SLC9A2: variants seen among roughly 807,000 people sequenced by gnomAD.
SLC9A2 encodes the protein solute carrier family 9 member A2.
Under a neutral mutation model 71.7 loss-of-function variants are expected in SLC9A2, and 42 were observed. The observed-to-expected ratio is 0.59, with a 90% confidence interval of 0.46 to 0.76. The LOEUF (loss-of-function observed/expected upper bound fraction) is 0.76. Among genes scored for constraint, SLC9A2 ranks in the 30% least tolerant of loss-of-function variants. SLC9A2 has a pLI of 0.00. For synonymous variants in SLC9A2, 396 were observed against 392.5 expected (o/e 1.01, Z -0.10); for missense variants, 829 against 1,017.4 (o/e 0.81, Z 2.52).
intron 8 of SLC9A2, 114 bp downstream of exon 8, chr2:102,701,345 G>A: frequency 2.5e-6 from 2 of 794,492 alleles, no homozygotes; most frequent in Non-Finnish European, 1.9e-6. Context: ...GCCCCCCTCG[G>A]CCTCCCAGAG....
chr2:102,653,667 C>T (rs752237916), intron 1 of SLC9A2, among the ~76,000 whole-genome samples: 2 of 152,114 alleles, frequency 1.3e-5, no homozygotes, highest in Non-Finnish European at 2.9e-5. Flanking sequence ...CCTTTTGATA[C>T]AACAAGAAGA....
In SLC9A2 at chr2:102,684,199, T is replaced by C; in HGVS notation, c.1288T>C (p.Phe430Leu). 1 of 1,614,158 alleles carries C rather than the reference T, an allele frequency of 6.2e-7. No individual in the cohort carries two copies. Among genetic ancestry groups the C allele is most frequent in the Non-Finnish European group, 8.5e-7 (1 of 1,179,996 alleles). Residue 430 changes from phenylalanine to leucine, a missense_variant, in exon 5 of 12, where the codon TTC becomes CTC. Around this residue, in one of 3 missense-constraint regions of SLC9A2, gnomAD observed 500 missense variants for 726.3 expected, o/e 0.69. Transcript: ENST00000233969. ...RTIPLTFKDQ[F>L]IIAYGGLRGA... is the part of the protein sequence containing the mutation. ...CATTCCCCTGACCTTTAAGGACCAG[T>C]TCATCATTGCCTATGGAGGACTTCG...
At position 102,708,106 on chromosome 2, in the gene SLC9A2, T is replaced by G. The variant is rs566062516; in HGVS notation, c.2069-13T>G. ...TAAAATGCTTGCCCACCTTGTCTTT[T>G]GCTCCGTGATAGATGGCAATAGCAG... On this transcript the variant is annotated splice_polypyrimidine_tract_variant and intron_variant, in intron 11 of 11. Transcript: ENST00000233969. 12 of 1,601,218 alleles carry G rather than the reference T, an allele frequency of 7.5e-6. No homozygotes were observed. In the African/African-American group the frequency reaches 1.6e-4, roughly 22 times the overall value.
intron 1 of SLC9A2, among the ~76,000 whole-genome samples, chr2:102,657,301 A>C (rs1185435950): frequency 6.6e-6 from 1 of 152,188 alleles, no homozygotes; most frequent in East Asian, 1.9e-4. Context: ...TAGAAAAAAT[A>C]AAATCTGTAC....
Position 102,619,837 on chromosome 2 carries a change from C to T in SLC9A2, c.-12C>T. The stretch of plus-strand genomic sequence containing the variant: ...CAACCGCCGGTCCCCTTGGCGGCAA[C>T]CGGCGGCACCCATGGAACCACTGGG... On this transcript the variant is annotated 5_prime_UTR_variant, in exon 1 of 12. Transcript: ENST00000233969. The surrounding 1 kb of genome is among the most constrained non-coding windows in gnomAD (Gnocchi z 4.3). The T allele has an allele frequency of 6.8e-7, 1 of 1,480,666 alleles. No individual in the cohort carries two copies. The highest frequency in any genetic ancestry group is 8.9e-7 in the Non-Finnish European group (1 of 1,117,458). The allele number at this position is 1,480,666 out of a possible 1,614,324, so 91.7% of individuals were successfully genotyped here.
At chr2:102,622,507 T>C (rs1676160179) in intron 1 of SLC9A2, among the ~76,000 whole-genome samples, 1 of 152,228 alleles carries the variant, frequency 6.6e-6, no homozygotes, top group South Asian at 2.1e-4. Flanking sequence ...GCATTATCTC[T>C]AATTTTTACA....
intron 3 of SLC9A2, among the ~76,000 whole-genome samples, chr2:102,682,474 G>A (rs1054877254): frequency 6.6e-6 from 1 of 152,226 alleles, no homozygotes; most frequent in Non-Finnish European, 1.5e-5. Context: ...AGAGCTTCAG[G>A]AGTGTGGACT....
chr2:102,621,386 A>C (rs1020933558), intron 1 of SLC9A2, among the ~76,000 whole-genome samples: 3 of 149,396 alleles, frequency 2.0e-5, no homozygotes, highest in African/African-American at 7.4e-5. Flanking sequence ...ACCCACTTTC[A>C]TACTACCTTT....
intron 1 of SLC9A2, among the ~76,000 whole-genome samples, chr2:102,622,816 T>C (rs1676167838): frequency 6.6e-6 from 1 of 152,162 alleles, no homozygotes; most frequent in Non-Finnish European, 1.5e-5. Context: ...AACTGTACAG[T>C]TTCTAGCACT....
chr2:102,708,618 A>AT lies in SLC9A2; in HGVS notation c.*131dup. The AT allele has an allele frequency of 9.0e-7, 1 of 1,105,486 alleles. No individual in the cohort carries two copies. The highest frequency in any genetic ancestry group is 1.3e-6 in the Non-Finnish European group (1 of 779,020). 68.5% of individuals were successfully genotyped at this position (1,105,486 alleles called of 1,614,324 possible). On this transcript the variant is annotated 3_prime_UTR_variant, in exon 12 of 12. Transcript: ENST00000233969. ...TCTAAATACTTCTGGAGGGCGACAG[A>AT]TTCATGCCACGGATAAATGAGGCAA...
At position 102,710,916 on chromosome 2, in the gene SLC9A2, TA is replaced by T. The variant is rs1678097285; in HGVS notation, c.*2430del. 1 of 152,320 alleles carries T rather than the reference TA, an allele frequency of 6.6e-6. No homozygotes were observed. The highest frequency in any genetic ancestry group is 1.5e-5 in the Non-Finnish European group (1 of 68,028). The allele number at this position is 152,320 out of a possible 1,614,324, so 9.4% of individuals were successfully genotyped here. The stretch of plus-strand genomic sequence containing the variant: ...AACAAAATTTGATTTGAACTACCTA[TA>T]AATGAAAAGTCGGGGTTTATTACTT... On this transcript the variant is annotated 3_prime_UTR_variant, in exon 12 of 12. Transcript: ENST00000233969.
chr2:102,638,293 G>A (rs1676509389), intron 1 of SLC9A2, among the ~76,000 whole-genome samples: 1 of 152,124 alleles, frequency 6.6e-6, no homozygotes, highest in Non-Finnish European at 1.5e-5. Context: ...AGGATCAGTT[G>A]GAATATGTTT....
chr2:102,647,616 A>G (rs1235282695), intron 1 of SLC9A2, among the ~76,000 whole-genome samples: 1 of 151,922 alleles, frequency 6.6e-6, no homozygotes, highest in Non-Finnish European at 1.5e-5. Flanking sequence ...AAAGAAGAAA[A>G]GAGAGAAGAA....
At chr2:102,667,411 A>G (rs1333535315) in intron 3 of SLC9A2, among the ~76,000 whole-genome samples, 2 of 152,158 alleles carry the variant, frequency 1.3e-5, no homozygotes, top group Non-Finnish European at 2.9e-5. Context: ...AGAACCCACA[A>G]AGGAGCTATG....
chr2:102,698,893 T>C (rs1401585102), intron 7 of SLC9A2, among the ~76,000 whole-genome samples: 1 of 152,116 alleles, frequency 6.6e-6, no homozygotes, highest in Non-Finnish European at 1.5e-5. Flanking sequence ...TGCCAAGTAA[T>C]ATGGCAGAGG....
chr2:102,701,265 G>A, intron 8 of SLC9A2, 34 bp downstream of exon 8: 1 of 1,439,578 alleles, frequency 6.9e-7, no homozygotes, highest in East Asian at 2.3e-5. Context: ...AGTTAGTATT[G>A]TTAAATAGGC....
intron 7 of SLC9A2, among the ~76,000 whole-genome samples, chr2:102,695,794 T>TAG (rs1677751015): frequency 9.3e-6 from 1 of 107,716 alleles, no homozygotes; most frequent in Non-Finnish European, 2.1e-5. Flanking sequence ...ATATATTATA[T>TAG]ATATATTATA....
chr2:102,703,417 T>C (rs944804214), intron 9 of SLC9A2, among the ~76,000 whole-genome samples: 1 of 152,126 alleles, frequency 6.6e-6, no homozygotes, highest in Non-Finnish European at 1.5e-5. Context: ...TTTCTCGCTG[T>C]CCCCTGGGAG....
intron 3 of SLC9A2, among the ~76,000 whole-genome samples, chr2:102,677,591 A>G (rs1440775117): frequency 2.0e-5 from 3 of 152,302 alleles, no homozygotes; most frequent in Non-Finnish European, 4.4e-5. Context: ...CATGCTTTGG[A>G]ATGCGAAATG....
Sources: gnomAD v4.1 joint callset for allele counts (sites outside exome capture counted in the v4.1 genomes callset) on GRCh38, gnomAD v4.1.1 for gene constraint, gnomAD v4.1.1 regional missense constraint, Gnocchi (gnomAD v3.1) non-coding constraint, MANE v1.5 for transcripts, NCBI Gene and HGNC (gene_info 2026-07-23, HGNC 2026-07-21) for gene names.